LRFN2: variants seen among roughly 807,000 people sequenced by gnomAD.
LRFN2 encodes the protein leucine-rich repeat and fibronectin type-III domain-containing protein 2.
LRFN2 carries 18 observed loss-of-function variants against 37.3 expected under a neutral mutation model. The observed-to-expected ratio is 0.48, with a 90% CI of 0.33 to 0.72. The LOEUF (loss-of-function observed/expected upper bound fraction) is 0.72, where lower values mean the gene tolerates loss of function less well. Ranked by LOEUF, LRFN2 falls within the 30% of genes least tolerant of loss-of-function variation. LRFN2 has a pLI of 0.02. For missense variants in LRFN2, 1,006 were observed against 1,060.7 expected (o/e 0.95, Z 0.72); for synonymous variants, 556 against 466.6 (o/e 1.19, Z -2.47).
At chr6:40,583,174 T>C (rs901339460) in intron 1 of LRFN2, among the ~76,000 whole-genome samples, 2 of 95,064 alleles carry the variant, frequency 2.1e-5, no homozygotes. Flanking sequence ...AGTACAGATA[T>C]ACATATGTAT....
rs76730816 is a variant in LRFN2, at chr6:40,417,978, C to T, written c.1400+13736G>A. Among the ~76,000 whole-genome samples the T allele has an allele frequency of 9.8e-3, 1,495 of 152,270 alleles. 24 individuals carry two copies. The highest frequency in any genetic ancestry group is 0.034 in the African/African-American group (1,427 of 41,548). On this transcript the variant is annotated intron_variant, in intron 2 of 2. Transcript: ENST00000338305. ...TATATTCTCCAACCAGCAGCAGAAT[C>T]TTCTTTCTTAATCACATCATGCCAG...
intron 1 of LRFN2, chr6:40,501,767 T>C (rs939162431): frequency 1.3e-5 from 2 of 152,124 alleles, no homozygotes; most frequent in African/African-American, 4.8e-5. Flanking sequence ...TGTCTCCGCC[T>C]ACAAAAGATG....
At chr6:40,448,750 A>C (rs1764032441) in intron 1 of LRFN2, among the ~76,000 whole-genome samples, 1 of 152,178 alleles carries the variant, frequency 6.6e-6, no homozygotes. Context: ...CACCATATAC[A>C]TGTTTCCTGT....
intron 1 of LRFN2, among the ~76,000 whole-genome samples, chr6:40,548,302 A>T (rs1453298722): frequency 6.6e-6 from 1 of 152,106 alleles, no homozygotes; most frequent in Admixed American, 6.5e-5. Flanking sequence ...TTAGCTGGAC[A>T]TGGTGGTGGG....
rs142683319 is a variant in LRFN2, at chr6:40,551,675, A to G, written c.-19+35266T>C. 4.2e-3 allele frequency among the ~76,000 whole-genome samples: 641 copies of G among 152,358 alleles called. 1 individual carries two copies. Among genetic ancestry groups the G allele is most frequent in the African/African-American group, 0.014 (589 of 41,584 alleles). On this transcript the variant is annotated intron_variant, in intron 1 of 2. Coordinates refer to ENST00000338305, the MANE Select transcript of LRFN2 (RefSeq NM_020737.3). ...GAACACCATCAAGCATCTGAGTAGA[A>G]AGTGGCTGTTGAGGATTGATTCCGG...
chr6:40,449,025 G>T (rs1185249347), intron 1 of LRFN2, among the ~76,000 whole-genome samples: 1 of 152,098 alleles, frequency 6.6e-6, no homozygotes, highest in South Asian at 2.1e-4. Flanking sequence ...TCCTCTGTGG[G>T]GTGACTATCA....
chr6:40,432,175 A>C lies in LRFN2; in HGVS notation c.939T>G (p.Ile313Met), dbSNP rs1384847216. Residue 313 changes from isoleucine to methionine, a missense_variant, in exon 2 of 3, where the codon ATT (isoleucine) becomes ATG (methionine). Physicochemically the swap from Ile to Met is conservative, Grantham distance 10 (BLOSUM62 1). Transcript: ENST00000338305. ...AGTGGATAAGGGGGCTGGGGTCCCC[A>C]ATGGCTTTGCACTTGAGTGTGGCCG... ...GQAATLKCKA[I>M]GDPSPLIHWV... 3 of 1,613,830 alleles carry C rather than the reference A, an allele frequency of 1.9e-6. No individual in the cohort carries two copies. Among genetic ancestry groups the C allele is most frequent in the African/African-American group, 2.7e-5 (2 of 75,050 alleles).
intron 1 of LRFN2, among the ~76,000 whole-genome samples, chr6:40,441,585 C>G (rs568124465): frequency 6.6e-6 from 1 of 152,240 alleles, no homozygotes; most frequent in South Asian, 2.1e-4. Flanking sequence ...GTGTTGTCAG[C>G]TTCGAATGCA....
Position 40,391,694 on chromosome 6 carries a change from C to T in LRFN2, c.*249G>A, listed in dbSNP as rs1036089604. On this transcript the variant is annotated 3_prime_UTR_variant, in exon 3 of 3. Transcript: ENST00000338305. ...ATTTGTGATTAGAAAGGCGGAGTCTCGCCTTTCCAAACACTCAGGGCTCAG... is the reference window on the plus strand; with the variant it reads ...ATTTGTGATTAGAAAGGCGGAGTCTTGCCTTTCCAAACACTCAGGGCTCAG... The T allele has an allele frequency of 2.8e-5, 11 of 393,320 alleles. No individual in the cohort carries two copies. The highest frequency in any genetic ancestry group is 8.6e-5 in the Admixed American group (2 of 23,166). 24.4% of individuals were successfully genotyped at this position (393,320 alleles called of 1,614,324 possible).
intron 2 of LRFN2, among the ~76,000 whole-genome samples, chr6:40,401,000 A>G (rs777862839): frequency 2.1e-5 from 3 of 145,694 alleles, no homozygotes; most frequent in Non-Finnish European, 3.1e-5. Context: ...CCCTAACCCC[A>G]CCTCCCCCAG....
rs77281776 is a variant in LRFN2, at chr6:40,420,185, C to T, written c.1400+11529G>A. Among the ~76,000 whole-genome samples the T allele has an allele frequency of 1.0e-2, 1,523 of 152,356 alleles. 28 individuals are homozygous for T. Among genetic ancestry groups the T allele is most frequent in the African/African-American group, 0.035 (1,455 of 41,580 alleles). ...GTAAAGAGTTAACGAGCTCGTTCAT[C>T]CACAGTGCTTGGCTGCATGGCCCTG... On this transcript the variant is annotated intron_variant, in intron 2 of 2. Transcript: ENST00000338305.
At chr6:40,413,497 G>A (rs1012973587) in intron 2 of LRFN2, among the ~76,000 whole-genome samples, 1 of 152,214 alleles carries the variant, frequency 6.6e-6, no homozygotes, top group Non-Finnish European at 1.5e-5. Flanking sequence ...CCCCAGGCCT[G>A]TGCTGTCTCT....
intron 2 of LRFN2, among the ~76,000 whole-genome samples, chr6:40,426,932 C>T (rs1763366146): frequency 6.6e-6 from 1 of 152,200 alleles, no homozygotes; most frequent in Admixed American, 6.5e-5. Context: ...GACCACTATA[C>T]TTCCATTAGC....
chr6:40,499,251 C>T (rs1765312809), intron 1 of LRFN2, among the ~76,000 whole-genome samples: 1 of 152,164 alleles, frequency 6.6e-6, no homozygotes, highest in Non-Finnish European at 1.5e-5. Context: ...CCTGGAGCCC[C>T]CATCTCCCCA....
intron 2 of LRFN2, among the ~76,000 whole-genome samples, chr6:40,406,244 A>G (rs971576963): frequency 2.0e-5 from 3 of 152,174 alleles, no homozygotes; most frequent in Non-Finnish European, 4.4e-5. Context: ...TGTGATTTGA[A>G]CAGTGCCTTG....
At chr6:40,554,380 G>C (rs1054218761) in intron 1 of LRFN2, among the ~76,000 whole-genome samples, 3 of 152,200 alleles carry the variant, frequency 2.0e-5, no homozygotes, top group African/African-American at 7.2e-5. Context: ...ACTCAGGAGA[G>C]AGCTAGAATG....
At chr6:40,584,302 G>A (rs1001103835) in intron 1 of LRFN2, among the ~76,000 whole-genome samples, 3 of 152,124 alleles carry the variant, frequency 2.0e-5, no homozygotes, top group Non-Finnish European at 4.4e-5. Flanking sequence ...CATCTATTGG[G>A]TACATGCTAT....
rs138669775 is a variant in LRFN2, at chr6:40,496,914, G to A, written c.-18-63783C>T. Among the ~76,000 whole-genome samples, 303 of 152,128 alleles carry A rather than the reference G, an allele frequency of 2.0e-3. 1 individual carries two copies. The highest frequency in any genetic ancestry group is 6.9e-3 in the African/African-American group (288 of 41,504). On this transcript the variant is annotated intron_variant, in intron 1 of 2. Transcript: ENST00000338305. ...CTCAGGCTTTCAGTTCCTTGCTGAT[G>A]GGCCTTGAAAATCCAGTTAATTACT...
chr6:40,536,906 T>C (rs1363398430), intron 1 of LRFN2, among the ~76,000 whole-genome samples: 2 of 152,240 alleles, frequency 1.3e-5, no homozygotes, highest in African/African-American at 4.8e-5. Context: ...TGTCAAGTGC[T>C]TTCCATGTAC....
Sources: allele counts gnomAD v4.1 joint callset (sites outside exome capture counted in the v4.1 genomes callset), GRCh38; gene constraint gnomAD v4.1.1; transcripts MANE v1.5; gene names NCBI Gene and HGNC (gene_info 2026-07-23, HGNC 2026-07-21).